Variants in FAAH2 observed in about 807,000 individuals in gnomAD.
The protein encoded by FAAH2 is fatty acid amide hydrolase 2, also known as fatty-acid amide hydrolase 2.
In FAAH2, 60 loss-of-function variants were observed where a neutral mutation model predicts 36.9. The ratio of observed to expected loss-of-function variants is 1.63; its 90% CI spans 1.32 to 2.02. FAAH2 has a LOEUF of 2.02. Ranked by LOEUF, FAAH2 falls within the 30% of genes most tolerant of loss-of-function variation. The pLI, the probability that FAAH2 is intolerant of heterozygous loss-of-function variation, is 0.00. For synonymous variants in FAAH2, 214 were observed against 143.8 expected, an observed-to-expected ratio of 1.49 and a Z score of -3.49; for missense variants, 689 against 397.5, an observed-to-expected ratio of 1.73 and a Z score of -6.23.
intron 5 of FAAH2, among the ~76,000 whole-genome samples, chrX:57,351,140 T>C (rs1210280800): frequency 9.0e-6 from 1 of 111,453 alleles, no homozygotes; most frequent in Non-Finnish European, 1.9e-5. Flanking sequence ...ATATCAAGTA[T>C]CTTTTCAGAC....
intron 2 of FAAH2, among the ~76,000 whole-genome samples, chrX:57,297,117 C>T (rs1376823210): frequency 2.8e-5 from 3 of 108,558 alleles, no homozygotes; most frequent in African/African-American, 1.0e-4. Flanking sequence ...ACAAAAATAA[C>T]CCTCAAGAAG....
At chrX:57,266,416 T>G in the FAAH2 span, among the ~76,000 whole-genome samples, 1 of 112,071 alleles carries the variant, frequency 8.9e-6, no homozygotes, top group Non-Finnish European at 1.9e-5. Flanking sequence ...CCATATCTCC[T>G]CACCAGGCAG....
chrX:57,132,979 A>G, the FAAH2 span, among the ~76,000 whole-genome samples: 13 of 111,691 alleles, frequency 1.2e-4, no homozygotes, highest in African/African-American at 2.9e-4. Flanking sequence ...GCCTCAGCAC[A>G]TGCTGTCCCT....
chrX:57,402,522 C>T (rs767363430), intron 7 of FAAH2, among the ~76,000 whole-genome samples: 1 of 111,598 alleles, frequency 9.0e-6, no homozygotes, highest in African/African-American at 3.3e-5. Context: ...TGCTCCAGGC[C>T]TAAGGCAGAC....
chrX:57,452,462 A>G (rs966929598), intron 10 of FAAH2: 1 of 257,707 alleles, frequency 3.9e-6, no homozygotes, highest in Non-Finnish European at 5.4e-6. Context: ...CCCAATTGAT[A>G]AGCTAGACAC....
At chrX:57,235,730 C>A in the FAAH2 span, among the ~76,000 whole-genome samples, 1 of 111,896 alleles carries the variant, frequency 8.9e-6, no homozygotes, top group Non-Finnish European at 1.9e-5. Flanking sequence ...GGCATGTAAT[C>A]GTTGTCTATG....
intron 5 of FAAH2, among the ~76,000 whole-genome samples, chrX:57,350,486 T>C (rs1378111913): frequency 9.1e-6 from 1 of 110,088 alleles, no homozygotes; most frequent in African/African-American, 3.3e-5. Flanking sequence ...CAGTTGACAA[T>C]ATGGCAGGAA....
the FAAH2 span, among the ~76,000 whole-genome samples, chrX:57,196,474 G>A: frequency 9.0e-6 from 1 of 110,609 alleles, no homozygotes; most frequent in Non-Finnish European, 1.9e-5. Flanking sequence ...GAGTCTTTAG[G>A]GTTTTCTAGG....
chrX:57,421,578 T>C (rs767844703), intron 7 of FAAH2, among the ~76,000 whole-genome samples: 1 of 111,748 alleles, frequency 8.9e-6, no homozygotes, highest in South Asian at 3.8e-4. Context: ...TAAATACCTC[T>C]ATCTTCTTCT....
chrX:57,162,339 T>A, the FAAH2 span, among the ~76,000 whole-genome samples: 3 of 111,437 alleles, frequency 2.7e-5, no homozygotes, highest in Non-Finnish European at 5.6e-5. Flanking sequence ...ATTATGTTTC[T>A]TGGAGTTGCT....
chrX:57,403,496 CATA>C, intron 7 of FAAH2, among the ~76,000 whole-genome samples: 1 of 112,817 alleles, frequency 8.9e-6, no homozygotes, highest in South Asian at 3.6e-4. Flanking sequence ...CTGAGTATTT[CATA>C]ATAACCCATT....
At chrX:57,233,557 G>A in the FAAH2 span, among the ~76,000 whole-genome samples, 6 of 111,931 alleles carry the variant, frequency 5.4e-5, no homozygotes, top group African/African-American at 1.9e-4. Context: ...TGAGGGGGGA[G>A]GACTTTTCCT....
intron 7 of FAAH2, chrX:57,395,092 T>C (rs2055261859): frequency 7.3e-6 from 4 of 545,202 alleles, no homozygotes; most frequent in Admixed American, 6.8e-5. Context: ...CTTCAGTGTA[T>C]TGTCTGAGTC....
chrX:57,135,704 A>G, the FAAH2 span: 6 of 1,121,174 alleles, frequency 5.4e-6, no homozygotes, highest in East Asian at 1.9e-4. Flanking sequence ...AATGCTGGCA[A>G]AGATGTTTAG....
chrX:57,464,735 G>A (rs145282806), intron 10 of FAAH2, among the ~76,000 whole-genome samples: 2,808 of 110,484 alleles, frequency 0.025, 100 homozygotes, highest in African/African-American at 0.087. Flanking sequence ...CCACATGTTG[G>A]GTACTATGTT....
the FAAH2 span, among the ~76,000 whole-genome samples, chrX:57,281,661 C>A: frequency 9.0e-6 from 1 of 111,515 alleles, no homozygotes; most frequent in Non-Finnish European, 1.9e-5. Context: ...GATTATTTTG[C>A]CATCCAGGTA....
chrX:57,473,611 G>C (rs1311399339), intron 10 of FAAH2, among the ~76,000 whole-genome samples: 3 of 110,581 alleles, frequency 2.7e-5, no homozygotes, highest in African/African-American at 9.8e-5. Flanking sequence ...ATATCAGTGG[G>C]GTGTTAAAGT....
At chrX:57,294,197 A>T (rs1316373739) in intron 2 of FAAH2, among the ~76,000 whole-genome samples, 1 of 112,354 alleles carries the variant, frequency 8.9e-6, no homozygotes, top group East Asian at 2.8e-4. Flanking sequence ...TGAGCTCAAT[A>T]AATGGAGCTG....
intron 10 of FAAH2, among the ~76,000 whole-genome samples, chrX:57,479,158 T>A (rs2057329830): frequency 9.0e-6 from 1 of 111,550 alleles, no homozygotes; most frequent in African/African-American, 3.3e-5. Flanking sequence ...TCCTCTTTTA[T>A]TTCATTGAGC....
Sources: gnomAD v4.1 joint callset for allele counts (sites outside exome capture counted in the v4.1 genomes callset) on GRCh38, gnomAD v4.1.1 for gene constraint, MANE v1.5 for transcripts, NCBI Gene and HGNC (gene_info 2026-07-23, HGNC 2026-07-21) for gene names.